Variants in LRBA observed in about 807,000 individuals in gnomAD.
LRBA encodes the protein lipopolysaccharide-responsive and beige-like anchor protein.
In LRBA, 176 loss-of-function variants were observed where a neutral mutation model predicts 330.0. The observed-to-expected ratio is 0.53, with a 90% CI of 0.47 to 0.60. The LOEUF is 0.60. Ranked by LOEUF, LRBA falls within the 20% of genes least tolerant of loss-of-function variation. LRBA has a pLI of 0.00. For synonymous variants in LRBA, 1,230 were observed against 1,193.0 expected, an observed-to-expected ratio of 1.03 and a Z score of -0.64; for missense variants, 3,259 against 3,444.8, an observed-to-expected ratio of 0.95 and a Z score of 1.35.
intron 48 of LRBA, among the ~76,000 whole-genome samples, chr4:150,333,033 A>G (rs1051278109): frequency 1.3e-5 from 2 of 152,158 alleles, no homozygotes; most frequent in African/African-American, 4.8e-5. Context: ...GAGAATATAC[A>G]TACACATACT....
Position 150,880,925 on chromosome 4 carries a change from C to T in LRBA, c.2166-8170G>A, listed in dbSNP as rs544025287. 5.3e-5 allele frequency among the ~76,000 whole-genome samples: 8 copies of T among 152,218 alleles called. No individual in the cohort carries two copies. The South Asian group carries it at 1.7e-3, about 32-fold the overall frequency. ...AGAAGACATACAAGCAGGCAACAAA[C>T]ATATGAAAAAATGCTTAATTAACAT... On this transcript the variant is annotated intron_variant, in intron 17 of 56. Transcript: ENST00000651943.
In LRBA at chr4:150,380,003, TAAAAAAAAAAA is replaced by T. The variant is rs371691815; in HGVS notation, c.7195-29855_7195-29845del. 5.2e-5 allele frequency among the ~76,000 whole-genome samples: 6 copies of T among 115,218 alleles called. No individual in the cohort carries two copies. In the East Asian group the frequency reaches 1.0e-3, roughly 20 times the overall value. The allele number at this position is 115,218 out of a possible 152,430, so 75.6% of individuals were successfully genotyped here. On this transcript the variant is annotated intron_variant, in intron 47 of 56. Transcript: ENST00000651943. ...CATGGAGAAACCCCATTTCTACTAC[TAAAAAAAAAAA>T]AAAAAAAAAAAAAAATTAGCCAGGT...
At chr4:150,788,763 A>G (rs1285140852) in intron 34 of LRBA, among the ~76,000 whole-genome samples, 3 of 6,326 alleles carry the variant, frequency 4.7e-4, no homozygotes, top group African/African-American at 1.4e-3. Context: ...TTCGTCTCCA[A>G]AAAAAAAAAA....
chr4:150,762,380 A>G (rs1735211987), intron 34 of LRBA, among the ~76,000 whole-genome samples: 1 of 151,884 alleles, frequency 6.6e-6, no homozygotes, highest in African/African-American at 2.4e-5. Context: ...TGAATTAGTA[A>G]TATCTGGTAT....
chr4:150,619,814 C>T (rs1206886104), intron 37 of LRBA, among the ~76,000 whole-genome samples: 1 of 152,062 alleles, frequency 6.6e-6, no homozygotes, highest in Non-Finnish European at 1.5e-5. Context: ...ATGTACCCTA[C>T]TCTGATCATT....
chr4:150,926,464 T>G (rs1035162889), intron 4 of LRBA, among the ~76,000 whole-genome samples: 3 of 152,190 alleles, frequency 2.0e-5, no homozygotes, highest in African/African-American at 7.2e-5. Context: ...AAGGATAAAG[T>G]TGATCCACAA....
chr4:150,427,061 C>A (rs970499383), intron 46 of LRBA, among the ~76,000 whole-genome samples: 1 of 151,712 alleles, frequency 6.6e-6, no homozygotes, highest in African/African-American at 2.4e-5. Flanking sequence ...AGAGAAGATG[C>A]AAATAAAATT....
At chr4:150,418,764 T>C (rs1045485930) in intron 46 of LRBA, among the ~76,000 whole-genome samples, 6 of 152,172 alleles carry the variant, frequency 3.9e-5, no homozygotes, top group Non-Finnish European at 8.8e-5. Flanking sequence ...TCAAGAACAT[T>C]TGCAGGGTCC....
chr4:150,843,179 G>A (rs546422264), intron 28 of LRBA, among the ~76,000 whole-genome samples: 77 of 151,972 alleles, frequency 5.1e-4, no homozygotes, highest in Non-Finnish European at 9.7e-4. Flanking sequence ...AGAGCATCCA[G>A]TATCATGTTT....
chr4:150,646,365 T>G (rs1030306776), intron 37 of LRBA, among the ~76,000 whole-genome samples: 1 of 152,038 alleles, frequency 6.6e-6, no homozygotes, highest in South Asian at 2.1e-4. Context: ...TATTGACATG[T>G]TAAGTTTAAT....
intron 46 of LRBA, among the ~76,000 whole-genome samples, chr4:150,434,096 T>C (rs1350535018): frequency 6.6e-6 from 1 of 152,132 alleles, no homozygotes; most frequent in Non-Finnish European, 1.5e-5. Context: ...CAGTATAACT[T>C]TTCTCCTTTT....
intron 30 of LRBA, among the ~76,000 whole-genome samples, chr4:150,823,874 A>T (rs1391090751): frequency 6.6e-6 from 1 of 150,514 alleles, no homozygotes; most frequent in African/African-American, 2.4e-5. Flanking sequence ...GTATAATTTG[A>T]AGTTTTGTTC....
intron 28 of LRBA, chr4:150,840,967 C>A: frequency 8.1e-7 from 1 of 1,234,362 alleles, no homozygotes; most frequent in South Asian, 1.4e-5. Flanking sequence ...AACATATCCA[C>A]TTGATGCAAT....
chr4:150,708,906 C>T (rs958879227), intron 36 of LRBA, among the ~76,000 whole-genome samples: 1 of 151,740 alleles, frequency 6.6e-6, no homozygotes, highest in Non-Finnish European at 1.5e-5. Context: ...ATGAATACAA[C>T]CCTTTCAGTC....
chr4:150,773,133 A>G (rs1242359584), intron 34 of LRBA, among the ~76,000 whole-genome samples: 1 of 152,188 alleles, frequency 6.6e-6, no homozygotes, highest in African/African-American at 2.4e-5. Context: ...ATGCCTTACC[A>G]AAAAGTCTGG....
intron 18 of LRBA, among the ~76,000 whole-genome samples, chr4:150,872,317 T>C (rs957567604): frequency 1.3e-5 from 2 of 152,190 alleles, no homozygotes; most frequent in Admixed American, 6.5e-5. Context: ...GAACACACTA[T>C]GTGACAAACA....
chr4:150,438,169 A>G (rs2151998359), intron 44 of LRBA, among the ~76,000 whole-genome samples: 1 of 152,170 alleles, frequency 6.6e-6, no homozygotes, highest in East Asian at 1.9e-4. Flanking sequence ...AAGACATGAT[A>G]TATAAGATTA....
chr4:150,339,914 G>A (rs1396277524), intron 48 of LRBA, among the ~76,000 whole-genome samples: 1 of 132,820 alleles, frequency 7.5e-6, no homozygotes. Flanking sequence ...ATCTTGAATT[G>A]TAGTTCCCAC....
intron 44 of LRBA, among the ~76,000 whole-genome samples, chr4:150,444,825 A>T (rs1165232068): frequency 6.6e-6 from 1 of 152,234 alleles, no homozygotes; most frequent in Non-Finnish European, 1.5e-5. Context: ...AATCTAAATC[A>T]TTTCAAATGC....
Sources: allele counts gnomAD v4.1 joint callset (sites outside exome capture counted in the v4.1 genomes callset), GRCh38; gene constraint gnomAD v4.1.1; transcripts MANE v1.5; gene names NCBI Gene and HGNC (gene_info 2026-07-23, HGNC 2026-07-21).